MBP: variants seen among roughly 807,000 people sequenced by gnomAD.
The protein encoded by MBP is myelin basic protein, also known as Golli-MBP.
A neutral mutation model predicts 35.8 loss-of-function variants in MBP; 16 were observed. The observed-to-expected ratio is 0.45, with a 90% CI of 0.30 to 0.68. The LOEUF (loss-of-function observed/expected upper bound fraction) is 0.68, where lower values mean the gene tolerates loss of function less well. MBP is among the 30% of genes least tolerant of loss of function. The probability of loss-of-function intolerance (pLI) is 0.08; values close to 1 mark genes in which losing one functional copy is unlikely to be tolerated. For missense variants in MBP, 380 were observed against 404.7 expected (o/e 0.94, Z 0.52); for synonymous variants, 143 against 159.6 (o/e 0.90, Z 0.78).
chr18:77,031,648 T>C (rs1972544987), intron 3 of MBP, among the ~76,000 whole-genome samples: 2 of 152,238 alleles, frequency 1.3e-5, no homozygotes, highest in South Asian at 4.1e-4. Flanking sequence ...GACGAACATC[T>C]TGTTGCATTT....
At chr18:76,994,044 T>G (rs1225843491) in intron 4 of MBP, among the ~76,000 whole-genome samples, 17 of 152,250 alleles carry the variant, frequency 1.1e-4, no homozygotes, top group Admixed American at 1.1e-3. Flanking sequence ...ACCAGTTGTA[T>G]TTAGTCACCA....
chr18:77,117,165 C>T (rs1007365217), intron 1 of MBP, among the ~76,000 whole-genome samples: 3 of 152,188 alleles, frequency 2.0e-5, no homozygotes, highest in Non-Finnish European at 4.4e-5. Flanking sequence ...TACATGAAAA[C>T]TATCACAGAG....
At chr18:77,016,012 C>G (rs1193118323) in intron 4 of MBP, 8 of 985,308 alleles carry the variant, frequency 8.1e-6, no homozygotes, top group Non-Finnish European at 9.6e-6. Flanking sequence ...AACCACCAAA[C>G]ACTCTAAACA....
chr18:77,076,307 G>A (rs532854751), intron 2 of MBP, among the ~76,000 whole-genome samples: 22 of 152,342 alleles, frequency 1.4e-4, no homozygotes, highest in South Asian at 6.2e-4. Context: ...CACTTCCACC[G>A]TGGCCTCTTG....
intron 2 of MBP, among the ~76,000 whole-genome samples, chr18:77,069,821 C>T (rs1342104017): frequency 1.3e-5 from 2 of 152,140 alleles, no homozygotes; most frequent in African/African-American, 4.8e-5. Context: ...GTTTATCCCT[C>T]ACACCAAAGC....
chr18:76,999,968 A>C (rs2123279676), intron 4 of MBP, among the ~76,000 whole-genome samples: 1 of 152,130 alleles, frequency 6.6e-6, no homozygotes, highest in East Asian at 1.9e-4. Flanking sequence ...TGCACTATAA[A>C]AGAAGAAATG....
intron 3 of MBP, among the ~76,000 whole-genome samples, chr18:77,063,669 G>A (rs571820052): frequency 3.9e-5 from 6 of 152,182 alleles, no homozygotes; most frequent in South Asian, 2.1e-4. Context: ...CACAACCCAC[G>A]TTTGTGAAAT....
chr18:77,110,294 C>A (rs1445402942), intron 1 of MBP: 2 of 152,116 alleles, frequency 1.3e-5, no homozygotes, highest in Non-Finnish European at 2.9e-5. Flanking sequence ...GAAGCGGATA[C>A]GAGGCAGCGT....
chr18:76,979,908 T>C lies in MBP; in HGVS notation c.*519A>G, dbSNP rs917869575. On this transcript the variant is annotated 3_prime_UTR_variant, in exon 9 of 9. Coordinates refer to ENST00000355994, the MANE Select transcript of MBP (RefSeq NM_001025101.2). ...CATGTAGTAAGCCACTCCTTGACTG[T>C]CTAATCCTGTTAGGAAAAATGAAGT... 17 of 701,564 alleles carry C rather than the reference T, an allele frequency of 2.4e-5. No homozygotes were observed. The African/African-American group carries it at 2.8e-4, about 12-fold the overall frequency. 43.5% of individuals were successfully genotyped at this position (701,564 alleles called of 1,614,324 possible).
intron 2 of MBP, among the ~76,000 whole-genome samples, chr18:77,072,702 C>T (rs1974499848): frequency 6.6e-6 from 1 of 152,184 alleles, no homozygotes; most frequent in Non-Finnish European, 1.5e-5. Flanking sequence ...TTCTCAGGGG[C>T]TCTGGCCCAG....
In MBP at chr18:76,980,112, T is replaced by C. The variant is rs1015869164; in HGVS notation, c.*315A>G. 1 of 684,910 alleles carries C rather than the reference T, an allele frequency of 1.5e-6. No individual in the cohort carries two copies. The highest frequency in any genetic ancestry group is 1.8e-5 in the African/African-American group (1 of 56,070). The allele number at this position is 684,910 out of a possible 1,614,324, so 42.4% of individuals were successfully genotyped here. A position where few individuals can be genotyped will look rare whatever the true frequency, so the allele number is the denominator to read the frequency against. ...AAAAGAAAGTCCAAGGGTGGAGGGG[T>C]GAACGTGGAGGGACGTCTGTGCACC... On this transcript the variant is annotated 3_prime_UTR_variant, in exon 9 of 9. Coordinates refer to ENST00000355994, the MANE Select transcript of MBP (RefSeq NM_001025101.2).
intron 3 of MBP, among the ~76,000 whole-genome samples, chr18:77,047,445 G>A (rs1262888903): frequency 1.3e-5 from 2 of 152,258 alleles, no homozygotes; most frequent in African/African-American, 2.4e-5. Context: ...ATGGAAAGTA[G>A]ATTCGCAGTG....
chr18:77,124,714 C>A (rs1331089975), intron 1 of MBP, among the ~76,000 whole-genome samples: 1 of 152,220 alleles, frequency 6.6e-6, no homozygotes, highest in East Asian at 1.9e-4. Context: ...GGCAGCCACA[C>A]TTTACCTCCA....
chr18:76,982,966 C>T (rs964454115), intron 8 of MBP: 3 of 152,190 alleles, frequency 2.0e-5, no homozygotes, highest in Non-Finnish European at 4.4e-5. Flanking sequence ...TTTCAGGAAA[C>T]ACATGTGTAT....
intron 4 of MBP, among the ~76,000 whole-genome samples, chr18:76,998,878 T>C (rs1970475312): frequency 6.6e-6 from 1 of 152,006 alleles, no homozygotes. Context: ...CTCAGCTCAA[T>C]TGTAGAAACG....
chr18:76,989,732 A>AGAACGCACG lies in MBP; in HGVS notation c.681+215_681+223dup. ...ATCTCAAGAGAAGTGAGCTCTCTGG[A>AGAACGCACG]GAACGCACGGAGCGCACGGTGCAAT... On this transcript the variant is annotated intron_variant, in intron 5 of 8. Coordinates refer to ENST00000355994, the MANE Select transcript of MBP (RefSeq NM_001025101.2). This position sits in a 1 kb window ranked among gnomAD's most constrained non-coding sequence, Gnocchi z 4.0. 1.9e-6 allele frequency: 1 copy of AGAACGCACG among 521,338 alleles called. No homozygotes were observed. The highest frequency in any genetic ancestry group is 3.4e-6 in the Non-Finnish European group (1 of 290,194). The allele number at this position is 521,338 out of a possible 1,614,324, so 32.3% of individuals were successfully genotyped here.
rs9957016 is a variant in MBP at position 77,008,675 on chromosome 18, T to G, written c.576+8157A>C. On this transcript the variant is annotated intron_variant, in intron 4 of 8. Coordinates refer to ENST00000355994, the MANE Select transcript of MBP (RefSeq NM_001025101.2). The stretch of plus-strand genomic sequence containing the variant: ...GGCCCTTCTGCCCCCAAGCCCTGGC[T>G]TCCTCTGCTGCACTTTCAGCCACTG... 4.7e-3 allele frequency among the ~76,000 whole-genome samples: 718 copies of G among 152,282 alleles called. 9 individuals carry two copies. Among genetic ancestry groups the G allele is most frequent in the African/African-American group, 0.017 (690 of 41,566 alleles).
chr18:77,000,839 C>A (rs1163500060), intron 4 of MBP, among the ~76,000 whole-genome samples: 1 of 152,190 alleles, frequency 6.6e-6, no homozygotes, highest in Non-Finnish European at 1.5e-5. Context: ...TGAAGATCAG[C>A]GGCTGCAGGG....
intron 3 of MBP, among the ~76,000 whole-genome samples, chr18:77,039,739 G>C (rs960724600): frequency 2.6e-5 from 4 of 152,182 alleles, no homozygotes; most frequent in African/African-American, 4.8e-5. Context: ...CTGAAATCAG[G>C]TAGGAGCTGT....
Sources: allele counts gnomAD v4.1 joint callset (sites outside exome capture counted in the v4.1 genomes callset), GRCh38; gene constraint gnomAD v4.1.1; non-coding constraint Gnocchi (gnomAD v3.1); transcripts MANE v1.5; gene names NCBI Gene and HGNC (gene_info 2026-07-23, HGNC 2026-07-21).